Variants in TNK2 observed in about 807,000 individuals in gnomAD.
TNK2 encodes the protein tyrosine kinase non receptor 2, also known as activated CDC42 kinase 1.
In TNK2, 83 loss-of-function variants were observed where a neutral mutation model predicts 101.8. The ratio of observed to expected loss-of-function variants is 0.82; its 90% CI spans 0.68 to 0.98. TNK2 has a LOEUF of 0.98. TNK2 is among the 50% of genes least tolerant of loss of function. The pLI is 0.00. For missense variants in TNK2, 1,665 were observed against 1,483.2 expected (o/e 1.12, Z -2.01); for synonymous variants, 804 against 633.0 (o/e 1.27, Z -4.06).
chr3:195,903,489 G>C (rs958788974), intron 1 of TNK2, among the ~76,000 whole-genome samples: 2 of 152,124 alleles, frequency 1.3e-5, no homozygotes, highest in Admixed American at 1.3e-4. Flanking sequence ...GGCCGAGGCG[G>C]GCAGGTCACC....
chr3:195,884,264 ATTT>A (rs565292491), intron 4 of TNK2: 1 of 150,848 alleles, frequency 6.6e-6, no homozygotes, highest in Non-Finnish European at 1.5e-5. Flanking sequence ...ATTACAGGCG[ATTT>A]TTTTTTTCTT....
intron 1 of TNK2, among the ~76,000 whole-genome samples, chr3:195,900,793 G>A (rs1761128646): frequency 6.6e-6 from 1 of 152,226 alleles, no homozygotes; most frequent in African/African-American, 2.4e-5. Context: ...GAAGGATGTG[G>A]TCTAGCTCCC....
At chr3:195,898,226 G>A (rs569581561) in intron 1 of TNK2, among the ~76,000 whole-genome samples, 6 of 152,112 alleles carry the variant, frequency 3.9e-5, no homozygotes, top group Middle Eastern at 3.4e-3. Context: ...CAGACACACC[G>A]GTCGGGCTGC....
chr3:195,869,063 G>A (rs989053758), intron 12 of TNK2: 16 of 461,982 alleles, frequency 3.5e-5, no homozygotes, highest in Non-Finnish European at 4.3e-5. Context: ...CCTCATCCCC[G>A]CCCCTGTCAC....
At chr3:195,901,622 G>T (rs1761217320) in intron 1 of TNK2, among the ~76,000 whole-genome samples, 1 of 152,150 alleles carries the variant, frequency 6.6e-6, no homozygotes, top group African/African-American at 2.4e-5. Context: ...TGGTTTCTGG[G>T]AGAATATGAA....
chr3:195,872,721 A>G (rs1746291194), intron 9 of TNK2: 1 of 494,858 alleles, frequency 2.0e-6, no homozygotes, highest in South Asian at 3.0e-5. Context: ...TTTGCAAATA[A>G]GGAGGCACGC....
intron 12 of TNK2, 111 bp from the exon 13 acceptor site, chr3:195,868,820 C>G: frequency 7.7e-7 from 1 of 1,292,988 alleles, no homozygotes; most frequent in Non-Finnish European, 1.0e-6. Context: ...ACCCTCCACT[C>G]CCAACTCCCC....
In TNK2 at chr3:195,888,322, C is replaced by A. The variant is rs548312703; in HGVS notation, c.163+104G>T. ...TGATGTCCCTCCTGCTCCCTCAGGG[C>A]TCTGGGACAGAGTTCTCAGCTGCCA... On this transcript the variant is annotated intron_variant, in intron 2 of 15. Coordinates refer to ENST00000672887, the MANE Select transcript of TNK2 (RefSeq NM_001382273.1). This position sits in a 1 kb window ranked among gnomAD's most constrained non-coding sequence, Gnocchi z 5.3. The A allele has an allele frequency of 1.6e-5, 20 of 1,275,184 alleles. No individual in the cohort carries two copies. The highest frequency in any genetic ancestry group is 2.2e-4 in the Middle Eastern group (1 of 4,534). 79.0% of individuals were successfully genotyped at this position (1,275,184 alleles called of 1,614,324 possible).
intron 10 of TNK2, among the ~76,000 whole-genome samples, chr3:195,871,244 T>G (rs1156793869): frequency 2.6e-5 from 4 of 151,990 alleles, no homozygotes; most frequent in Admixed American, 6.6e-5. Context: ...TGCGTGTCCT[T>G]CCCAGATGCC....
Position 195,883,230 on chromosome 3 carries a change from T to C in TNK2, c.536A>G (p.Asn179Ser), listed in dbSNP as rs1754024185. 1.9e-6 allele frequency: 3 copies of C among 1,611,548 alleles called. No homozygotes were observed. Among genetic ancestry groups the C allele is most frequent in the African/African-American group, 1.3e-5 (1 of 74,760 alleles). Residue 179 changes from asparagine (N) to serine (S), a missense_variant, in exon 5 of 16, where the codon AAT becomes AGT. Physicochemically the swap from Asn to Ser is conservative, Grantham distance 46 (BLOSUM62 1). Around this residue, in one of 3 missense-constraint regions of TNK2, gnomAD observed 490 missense variants for 522.5 expected, o/e 0.94. Coordinates refer to ENST00000672887, the MANE Select transcript of TNK2 (RefSeq NM_001382273.1). Reference protein sequence around the residue: ...EAMDDFIREVNAMHSLDHRNL... With the variant: ...EAMDDFIREVSAMHSLDHRNL... ...TCGGTGGTCGAGCGAGTGCATGGCA[T>C]TGACCTCCCGGATGAAGTCGTCCAT... is the stretch of plus-strand genomic sequence containing the variant.
At chr3:195,890,388 A>G (rs1446563070) in intron 1 of TNK2, among the ~76,000 whole-genome samples, 2 of 151,906 alleles carry the variant, frequency 1.3e-5, no homozygotes, top group African/African-American at 4.8e-5. Context: ...GGTGTTTATG[A>G]TCATGCAAAC....
chr3:195,882,609 G>A lies in TNK2; in HGVS notation c.610-281C>T. 3.8e-6 allele frequency: 5 copies of A among 1,299,976 alleles called. No individual in the cohort carries two copies. Among genetic ancestry groups the A allele is most frequent in the Non-Finnish European group, 5.2e-6 (5 of 960,292 alleles). The allele number at this position is 1,299,976 out of a possible 1,614,324, so 80.5% of individuals were successfully genotyped here. Reference sequence around the variant, plus strand: ...GTGGTGGCTCACGCCTGTAATCCCAGCACTTTGGGAGGCCGAGGTGGGTGG... The same window carrying A: ...GTGGTGGCTCACGCCTGTAATCCCAACACTTTGGGAGGCCGAGGTGGGTGG... On this transcript the variant is annotated intron_variant, in intron 5 of 15. Transcript: ENST00000672887. This position sits in a 1 kb window ranked among gnomAD's most constrained non-coding sequence, Gnocchi z 4.2.
chr3:195,888,348 C>T lies in TNK2; in HGVS notation c.163+78G>A. ...TCTGGGACAGAGTTCTCAGCTGCCA[C>T]CCGTGCACCGAGTGGTCCTGAGGAC... On this transcript the variant is annotated intron_variant, in intron 2 of 15. Coordinates refer to ENST00000672887, the MANE Select transcript of TNK2 (RefSeq NM_001382273.1). This position sits in a 1 kb window ranked among gnomAD's most constrained non-coding sequence, Gnocchi z 5.3. 6.7e-7 allele frequency: 1 copy of T among 1,502,386 alleles called. No homozygotes were observed. Among genetic ancestry groups the T allele is most frequent in the Non-Finnish European group, 9.1e-7 (1 of 1,096,360 alleles). The allele number at this position is 1,502,386 out of a possible 1,614,324, so 93.1% of individuals were successfully genotyped here. A position where few individuals can be genotyped will look rare whatever the true frequency, so the allele number is the denominator to read the frequency against.
At chr3:195,906,479 C>T (rs1761728901) in intron 1 of TNK2, among the ~76,000 whole-genome samples, 1 of 152,128 alleles carries the variant, frequency 6.6e-6, no homozygotes. Flanking sequence ...TGGACAAACT[C>T]CAAAATACTT....
At position 195,885,293 on chromosome 3, in the gene TNK2, CG is replaced by C; in HGVS notation, c.235-261del. 7.8e-7 allele frequency: 1 copy of C among 1,283,472 alleles called. No individual in the cohort carries two copies. The highest frequency in any genetic ancestry group is 1.5e-5 in the South Asian group (1 of 64,632). 79.5% of individuals were successfully genotyped at this position (1,283,472 alleles called of 1,614,324 possible). A position where few individuals can be genotyped will look rare whatever the true frequency, so the allele number is the denominator to read the frequency against. ...GACAGGCATGCAGCCTGTGGCTGAGCGGCCCCACACCCAGCTGTGTGGAGAG... is the reference window on the plus strand; with the variant it reads ...GACAGGCATGCAGCCTGTGGCTGAGCGCCCCACACCCAGCTGTGTGGAGAG... On this transcript the variant is annotated intron_variant, in intron 3 of 15. Coordinates refer to ENST00000672887, the MANE Select transcript of TNK2 (RefSeq NM_001382273.1). This position sits in a 1 kb window ranked among gnomAD's most constrained non-coding sequence, Gnocchi z 4.7.
rs1435889059 is a variant in TNK2 at position 195,869,477 on chromosome 3, T to C, written c.1588+20A>G. On this transcript the variant is annotated intron_variant, in intron 12 of 15. Coordinates refer to ENST00000672887, the MANE Select transcript of TNK2 (RefSeq NM_001382273.1). Reference sequence around the variant, plus strand: ...GGGGGCGGGGGCGGGGGCCAAGGCATCGGAAGCAGCCCCACTTACTCTGAG... The same window carrying C: ...GGGGGCGGGGGCGGGGGCCAAGGCACCGGAAGCAGCCCCACTTACTCTGAG... 2 of 1,541,246 alleles carry C rather than the reference T, an allele frequency of 1.3e-6. No individual in the cohort carries two copies. The highest frequency in any genetic ancestry group is 1.2e-5 in the South Asian group (1 of 83,906).
Position 195,867,817 on chromosome 3 carries a change from C to T in TNK2, c.2481G>A (p.Gly827=), listed in dbSNP as rs1260950955. ...AGCTCTGGGTGGTGGGCATGGTCTT[C>T]CCAGGTGAGCTTGAGAGCCGGGGTG... The part of the protein sequence containing the change: ...PLPPRLSSSP[G]KTMPTTQSFA... The change falls in exon 13 of 16, where the codon GGG becomes GGA. Residue 827 remains glycine, a synonymous_variant. Transcript: ENST00000672887. The T allele has an allele frequency of 9.7e-6, 15 of 1,548,164 alleles. No homozygotes were observed. In the South Asian group the frequency reaches 1.7e-4, roughly 18 times the overall value.
At chr3:195,876,800 C>T (rs575089913) in intron 9 of TNK2, 17 of 362,298 alleles carry the variant, frequency 4.7e-5, no homozygotes, top group East Asian at 7.3e-5. Flanking sequence ...CAGCCGCTCC[C>T]GGCCCCTCCC....
chr3:195,871,620 C>T (rs1461827867), intron 10 of TNK2, among the ~76,000 whole-genome samples: 2 of 152,152 alleles, frequency 1.3e-5, no homozygotes, highest in Non-Finnish European at 2.9e-5. Context: ...AGTTCATTTT[C>T]CTAAGGCCCG....
Sources: gnomAD v4.1 joint callset for allele counts (sites outside exome capture counted in the v4.1 genomes callset) on GRCh38, gnomAD v4.1.1 for gene constraint, gnomAD v4.1.1 regional missense constraint, Gnocchi (gnomAD v3.1) non-coding constraint, MANE v1.5 for transcripts, NCBI Gene and HGNC (gene_info 2026-07-23, HGNC 2026-07-21) for gene names.